SH2D4B: variants seen among roughly 807,000 people sequenced by gnomAD.
SH2D4B encodes the protein SH2 domain-containing protein 4B.
In SH2D4B, 45 loss-of-function variants were observed where a neutral mutation model predicts 61.5. The ratio of observed to expected loss-of-function variants is 0.73; its 90% CI spans 0.58 to 0.94. SH2D4B has a LOEUF of 0.94. SH2D4B is among the 40% of genes least tolerant of loss of function. SH2D4B has a pLI of 0.00. For synonymous variants in SH2D4B, 224 were observed against 220.4 expected, an observed-to-expected ratio of 1.02 and a Z score of -0.14; for missense variants, 572 against 574.2, an observed-to-expected ratio of 1.00 and a Z score of 0.04.
chr10:80,588,537 C>T, intron 3 of SH2D4B, 93 bp from the exon 4 acceptor site: 1 of 1,517,302 alleles, frequency 6.6e-7, no homozygotes, highest in Non-Finnish European at 9.0e-7. Flanking sequence ...GCACTCTCAG[C>T]CCCATCCACT....
At chr10:80,604,599 G>A (rs2132140559) in intron 5 of SH2D4B, among the ~76,000 whole-genome samples, 1 of 152,194 alleles carries the variant, frequency 6.6e-6, no homozygotes, top group Admixed American at 6.5e-5. Flanking sequence ...GTTTTGCTTT[G>A]CCTCTGCCTG....
chr10:80,597,173 A>G (rs1842394418), intron 4 of SH2D4B, among the ~76,000 whole-genome samples: 1 of 152,102 alleles, frequency 6.6e-6, no homozygotes. Context: ...TTCATGAGAG[A>G]TGGGGAGTGG....
chr10:80,551,947 C>T (rs1841767113), intron 1 of SH2D4B, among the ~76,000 whole-genome samples: 1 of 152,188 alleles, frequency 6.6e-6, no homozygotes, highest in Admixed American at 6.5e-5. Flanking sequence ...GATGAGAGCC[C>T]TCTTCCTGGA....
chr10:80,583,488 A>G (rs55739791), intron 3 of SH2D4B, among the ~76,000 whole-genome samples: 39,669 of 149,908 alleles, frequency 0.26, 6,309 homozygotes, highest in African/African-American at 0.42. Flanking sequence ...GACCAACATG[A>G]TGAAACCCGT....
At chr10:80,549,412 C>G (rs1841728116) in intron 1 of SH2D4B, among the ~76,000 whole-genome samples, 1 of 152,164 alleles carries the variant, frequency 6.6e-6, no homozygotes, top group South Asian at 2.1e-4. Flanking sequence ...TTTCTGGCTC[C>G]CAGCCTCCTG....
intron 6 of SH2D4B, among the ~76,000 whole-genome samples, chr10:80,633,268 G>A (rs1452240390): frequency 6.6e-6 from 1 of 152,104 alleles, no homozygotes; most frequent in African/African-American, 2.4e-5. Flanking sequence ...TGAGCAAAGG[G>A]ACAATGTGTT....
intron 3 of SH2D4B, among the ~76,000 whole-genome samples, chr10:80,578,188 C>T (rs553060994): frequency 6.6e-6 from 1 of 152,244 alleles, no homozygotes; most frequent in South Asian, 2.1e-4. Context: ...CCAGGCTCAT[C>T]TGGAATTTCT....
chr10:80,643,863 C>T, intron 7 of SH2D4B, 130 bp from the exon 8 acceptor site: 3 of 493,082 alleles, frequency 6.1e-6, no homozygotes, highest in South Asian at 1.5e-4. Flanking sequence ...CCTGTCATTT[C>T]TAGAAATCTG....
intron 3 of SH2D4B, among the ~76,000 whole-genome samples, chr10:80,575,573 CAACATGGTGAAACTACTAA>C (rs1218958663): frequency 4.3e-4 from 65 of 152,168 alleles, no homozygotes; most frequent in African/African-American, 1.5e-3. Context: ...CCAGCCTGGC[CAACATGGTGAAACTACTAA>C]AACATGGTGA....
At chr10:80,544,460 G>A (rs114501831) in intron 1 of SH2D4B, among the ~76,000 whole-genome samples, 3,113 of 152,326 alleles carry the variant, frequency 0.02, 92 homozygotes, top group African/African-American at 0.069. Context: ...TCCAGACACA[G>A]AGTCACTCCC....
At chr10:80,629,034 A>AC (rs1842798498) in intron 6 of SH2D4B, among the ~76,000 whole-genome samples, 1 of 150,090 alleles carries the variant, frequency 6.7e-6, no homozygotes, top group Non-Finnish European at 1.5e-5. Context: ...TATCTCAAAA[A>AC]AAAAAAAGAA....
intron 1 of SH2D4B, among the ~76,000 whole-genome samples, chr10:80,554,815 C>T (rs1054647350): frequency 2.0e-5 from 3 of 152,140 alleles, no homozygotes; most frequent in African/African-American, 7.2e-5. Flanking sequence ...CAAGACTATC[C>T]TGGCTAACAC....
At chr10:80,569,722 T>A (rs184729568) in intron 1 of SH2D4B, among the ~76,000 whole-genome samples, 125 of 152,270 alleles carry the variant, frequency 8.2e-4, no homozygotes, top group Non-Finnish European at 1.6e-3. Context: ...GAGGGGCTAT[T>A]ATCATCCTTG....
At chr10:80,592,851 G>T (rs1842346586) in intron 4 of SH2D4B, among the ~76,000 whole-genome samples, 1 of 151,456 alleles carries the variant, frequency 6.6e-6, no homozygotes, top group Non-Finnish European at 1.5e-5. Context: ...TGAGTAGCTG[G>T]ACCACAGGCA....
chr10:80,636,972 A>G (rs995362683), intron 7 of SH2D4B, among the ~76,000 whole-genome samples: 3 of 152,124 alleles, frequency 2.0e-5, no homozygotes, highest in African/African-American at 4.8e-5. Context: ...TGTATAAGGT[A>G]TAAGGAAGGG....
intron 3 of SH2D4B, among the ~76,000 whole-genome samples, chr10:80,578,744 G>A (rs2132123531): frequency 6.6e-6 from 1 of 152,284 alleles, no homozygotes; most frequent in African/African-American, 2.4e-5. Flanking sequence ...ACCACTGATG[G>A]CAATGATGTG....
At chr10:80,635,032 C>T (rs1435363131) in intron 7 of SH2D4B, among the ~76,000 whole-genome samples, 2 of 152,196 alleles carry the variant, frequency 1.3e-5, no homozygotes, top group African/African-American at 4.8e-5. Flanking sequence ...ACCTTAGTCT[C>T]ACCAAACGTC....
chr10:80,551,275 C>T (rs1015021534), intron 1 of SH2D4B, among the ~76,000 whole-genome samples: 13 of 151,918 alleles, frequency 8.6e-5, no homozygotes, highest in Admixed American at 3.9e-4. Flanking sequence ...AGGATGGTCT[C>T]GATCTCCTGA....
At chr10:80,608,077 A>G (rs892301353) in intron 5 of SH2D4B, among the ~76,000 whole-genome samples, 1 of 152,196 alleles carries the variant, frequency 6.6e-6, no homozygotes, top group South Asian at 2.1e-4. Flanking sequence ...TTGTATTTTT[A>G]GTAGAGATGG....
Sources: gnomAD v4.1 joint callset for allele counts (sites outside exome capture counted in the v4.1 genomes callset) on GRCh38, gnomAD v4.1.1 for gene constraint, MANE v1.5 for transcripts, NCBI Gene and HGNC (gene_info 2026-07-23, HGNC 2026-07-21) for gene names.